The following ZNF732 variants were observed in gnomAD, a reference collection of about 807,000 sequenced individuals.
ZNF732 encodes the protein zinc finger protein 732, also known as zinc finger protein LOC654254.
A neutral mutation model predicts 11.5 loss-of-function variants in ZNF732; 12 were observed. That is an observed-to-expected ratio of 1.05 (90% CI 0.67 to 1.70). The LOEUF (loss-of-function observed/expected upper bound fraction) is 1.70. Ranked by LOEUF, ZNF732 falls within the 40% of genes most tolerant of loss-of-function variation. The pLI is 0.00. For synonymous variants in ZNF732, 231 were observed against 236.5 expected (o/e 0.98, Z 0.21); for missense variants, 702 against 676.9 (o/e 1.04, Z -0.41).
At chr4:287,869 A>AT (rs1280489099) in intron 3 of ZNF732, among the ~76,000 whole-genome samples, 1 of 151,846 alleles carries the variant, frequency 6.6e-6, no homozygotes, top group Admixed American at 6.6e-5. Context: ...ACCTCCATAC[A>AT]TTTTTTTCAG....
chr4:294,773 G>A (rs1553841903), intron 3 of ZNF732, among the ~76,000 whole-genome samples: 1 of 152,162 alleles, frequency 6.6e-6, no homozygotes, highest in African/African-American at 2.4e-5. Flanking sequence ...AAGCCAAAAG[G>A]TTGGAAACCT....
rs139252682 is a variant in ZNF732, at chr4:297,935, C to T, written c.4-1780G>A. On this transcript the variant is annotated intron_variant, in intron 1 of 3. Coordinates refer to ENST00000419098, the MANE Select transcript of ZNF732 (RefSeq NM_001137608.3). The stretch of plus-strand genomic sequence containing the variant: ...GGCCCTAGACTTCTGTTCTCTATGC[C>T]GCTAAGTTTTTTCAGTTTTGTCTTT... Among the ~76,000 whole-genome samples, 85 of 152,208 alleles carry T rather than the reference C, an allele frequency of 5.6e-4. 1 individual carries two copies. Among genetic ancestry groups the T allele is most frequent in the African/African-American group, 1.9e-3 (79 of 41,532 alleles).
intron 3 of ZNF732, among the ~76,000 whole-genome samples, chr4:286,707 T>G (rs4438712): frequency 6.6e-6 from 1 of 152,234 alleles, no homozygotes; most frequent in African/African-American, 2.4e-5. Context: ...TTTTTAACTT[T>G]ATTTTAGGAT....
chr4:277,326 A>C (rs1053096289), intron 3 of ZNF732, among the ~76,000 whole-genome samples: 32 of 151,922 alleles, frequency 2.1e-4, no homozygotes, highest in Admixed American at 2.0e-3. Flanking sequence ...CACAGTAAAG[A>C]AAACAATTAA....
intron 3 of ZNF732, among the ~76,000 whole-genome samples, chr4:274,777 A>G (rs1382316258): frequency 1.3e-5 from 2 of 151,722 alleles, no homozygotes; most frequent in African/African-American, 4.8e-5. Flanking sequence ...TATACTTTAA[A>G]AAGTCATAAG....
intron 3 of ZNF732, among the ~76,000 whole-genome samples, chr4:289,642 G>C (rs1388153499): frequency 1.3e-5 from 2 of 152,140 alleles, no homozygotes; most frequent in Non-Finnish European, 2.9e-5. Context: ...TTTTGAATGA[G>C]GGATTTTTTT....
rs1344722912 is a variant in ZNF732, at chr4:303,862, A to AAGAG, written c.3+1442_3+1445dup. On this transcript the variant is annotated intron_variant, in intron 1 of 3. Coordinates refer to ENST00000419098, the MANE Select transcript of ZNF732 (RefSeq NM_001137608.3). ...AGATTTGTGAGGAAGAAAAAAGCAG[A>AAGAG]AGAGAGAAAGGAGCTATCAAGAGTC... 3.3e-5 allele frequency among the ~76,000 whole-genome samples: 5 copies of AAGAG among 152,270 alleles called. No individual in the cohort carries two copies. In the East Asian group the frequency reaches 9.7e-4, roughly 29 times the overall value.
At chr4:293,708 A>G (rs984568778) in intron 3 of ZNF732, among the ~76,000 whole-genome samples, 27 of 152,018 alleles carry the variant, frequency 1.8e-4, no homozygotes, top group African/African-American at 6.5e-4. Flanking sequence ...CTTATTACCA[A>G]AAAAAATGGT....
chr4:272,269 T>A lies in ZNF732; in HGVS notation c.588A>T (p.Thr196=). The A allele has an allele frequency of 6.2e-7, 1 of 1,613,376 alleles. No homozygotes were observed. Among genetic ancestry groups the A allele is most frequent in the Non-Finnish European group, 8.5e-7 (1 of 1,179,558 alleles). The change falls in exon 4 of 4, where the codon ACA becomes ACT. Residue 196 remains threonine, a synonymous_variant. Coordinates refer to ENST00000419098, the MANE Select transcript of ZNF732 (RefSeq NM_001137608.3). ...TAAAGTCTTTGCCACATTCTTCACA[T>A]GTGTAGGGTTTCTCTCCAGCATGAA... ...QGIHAGEKPY[T]CEECGKDFKW...
chr4:279,930 T>C (rs1234948570), intron 3 of ZNF732, among the ~76,000 whole-genome samples: 2 of 152,142 alleles, frequency 1.3e-5, no homozygotes, highest in South Asian at 2.1e-4. Context: ...AAACACCACA[T>C]AGATAACTTT....
intron 1 of ZNF732, among the ~76,000 whole-genome samples, chr4:304,983 G>A (rs7661412): frequency 0.1 from 15,510 of 152,202 alleles, 803 homozygotes; most frequent in Middle Eastern, 0.16. Flanking sequence ...GTAAAGTAGG[G>A]ACTCGACGAC....
Position 281,368 on chromosome 4 carries a change from G to C in ZNF732, c.227-8738C>G, listed in dbSNP as rs535444205. On this transcript the variant is annotated intron_variant, in intron 3 of 3. Transcript: ENST00000419098. Reference sequence around the variant, plus strand: ...ATCAAGGGTCATTACTGCTCATCTAGGAACCTGTCCAATGACTAGGTTAGA... The same window carrying C: ...ATCAAGGGTCATTACTGCTCATCTACGAACCTGTCCAATGACTAGGTTAGA... Among the ~76,000 whole-genome samples the C allele has an allele frequency of 1.9e-3, 287 of 152,324 alleles. 2 individuals carry two copies. Among genetic ancestry groups the C allele is most frequent in the Non-Finnish European group, 2.6e-3 (175 of 68,024 alleles).
intron 3 of ZNF732, among the ~76,000 whole-genome samples, chr4:291,469 A>G (rs920059067): frequency 6.6e-6 from 1 of 152,216 alleles, no homozygotes; most frequent in East Asian, 1.9e-4. Flanking sequence ...AAAATAAGAA[A>G]TTAATTCAAA....
intron 1 of ZNF732, among the ~76,000 whole-genome samples, chr4:304,574 C>A (rs570728426): frequency 1.0e-4 from 15 of 150,380 alleles, no homozygotes; most frequent in South Asian, 4.2e-4. Flanking sequence ...CTGCCCCCCC[C>A]CTGCAGACGG....
chr4:303,956 G>C (rs1720172828), intron 1 of ZNF732, among the ~76,000 whole-genome samples: 1 of 152,180 alleles, frequency 6.6e-6, no homozygotes, highest in South Asian at 2.1e-4. Flanking sequence ...GTCTAGGCAG[G>C]GTTACCATCT....
At chr4:298,149 T>C (rs1360823994) in intron 1 of ZNF732, among the ~76,000 whole-genome samples, 1 of 152,192 alleles carries the variant, frequency 6.6e-6, no homozygotes, top group African/African-American at 2.4e-5. Context: ...ACTTCTCTTC[T>C]GTCAATTAAT....
In ZNF732 at chr4:271,635, G is replaced by A. The variant is rs1719366216; in HGVS notation, c.1222C>T (p.His408Tyr). ...AFSRFTTLNEHKRIHTGERPH... is the reference protein window; with the variant it reads ...AFSRFTTLNEYKRIHTGERPH... Reference sequence around the variant, plus strand: ...CTCTCTCCAGTATGAATTCTCTTATGTTCATTAAGGGTTGTGAACCGACTA... The same window carrying A: ...CTCTCTCCAGTATGAATTCTCTTATATTCATTAAGGGTTGTGAACCGACTA... The change falls in exon 4 of 4, where the codon CAT (histidine) becomes TAT (tyrosine). Residue 408 changes from histidine (H) to tyrosine (Y), a missense_variant. Around this residue, in one of 3 missense-constraint regions of ZNF732, gnomAD observed 596 missense variants for 557.9 expected, o/e 1.07. Coordinates refer to ENST00000419098, the MANE Select transcript of ZNF732 (RefSeq NM_001137608.3). The A allele has an allele frequency of 1.2e-6, 2 of 1,610,812 alleles. No individual in the cohort carries two copies. The highest frequency in any genetic ancestry group is 1.7e-6 in the Non-Finnish European group (2 of 1,178,308).
At chr4:280,094 TGAG>T (rs1188105775) in intron 3 of ZNF732, among the ~76,000 whole-genome samples, 6 of 151,834 alleles carry the variant, frequency 4.0e-5, no homozygotes, top group African/African-American at 1.2e-4. Flanking sequence ...AAAAAATAAT[TGAG>T]GAGAACCTAC....
At chr4:273,629 T>TA (rs1230340912) in intron 3 of ZNF732, among the ~76,000 whole-genome samples, 2 of 151,614 alleles carry the variant, frequency 1.3e-5, no homozygotes, top group Admixed American at 6.6e-5. Flanking sequence ...ATTTTCAAGT[T>TA]AAAAAAGGAT....
Sources: allele counts gnomAD v4.1 joint callset (sites outside exome capture counted in the v4.1 genomes callset), GRCh38; gene constraint gnomAD v4.1.1; regional missense constraint gnomAD v4.1.1; transcripts MANE v1.5; gene names NCBI Gene and HGNC (gene_info 2026-07-23, HGNC 2026-07-21).